The following SEL1L2 variants were observed in gnomAD, a reference collection of about 807,000 sequenced individuals.
SEL1L2 encodes the protein SEL1L2 adaptor subunit of SYVN1 ubiquitin ligase.
A neutral mutation model predicts 98.8 loss-of-function variants in SEL1L2; 89 were observed. That is an observed-to-expected ratio of 0.90 (90% CI 0.76 to 1.07). SEL1L2 has a LOEUF of 1.07. SEL1L2 is among the 50% of genes least tolerant of loss of function. The pLI is 0.00. For missense variants in SEL1L2, 788 were observed against 812.0 expected (o/e 0.97, Z 0.36); for synonymous variants, 262 against 278.5 (o/e 0.94, Z 0.59).
rs1019200762 is a variant in SEL1L2 at position 13,896,331 on chromosome 20, A to G, written c.550-7819T>C. 7.2e-5 allele frequency among the ~76,000 whole-genome samples: 11 copies of G among 152,158 alleles called. No individual in the cohort carries two copies. The East Asian group carries it at 2.1e-3, about 30-fold the overall frequency. ...TTAAAAATACAAAAATTAGCTGGGC[A>G]CGGTGGGGGGCGCCTGTAGTCCCAG... On this transcript the variant is annotated intron_variant, in intron 5 of 19. Coordinates refer to ENST00000284951, the MANE Select transcript of SEL1L2 (RefSeq NM_025229.2).
chr20:13,887,565 A>T (rs1383604543), intron 8 of SEL1L2, among the ~76,000 whole-genome samples: 1 of 152,222 alleles, frequency 6.6e-6, no homozygotes, highest in Non-Finnish European at 1.5e-5. Flanking sequence ...AAAATAAAAA[A>T]TGAGTATAAT....
intron 11 of SEL1L2, among the ~76,000 whole-genome samples, chr20:13,876,951 G>T (rs2046460338): frequency 6.6e-6 from 1 of 152,038 alleles, no homozygotes; most frequent in Non-Finnish European, 1.5e-5. Context: ...AGCCTCCCAA[G>T]TAGCTGGGAT....
rs375336832 is a variant in SEL1L2, at chr20:13,888,674, T to C, written c.550-162A>G. On this transcript the variant is annotated intron_variant, in intron 5 of 19. Coordinates refer to ENST00000284951, the MANE Select transcript of SEL1L2 (RefSeq NM_025229.2). ...TTTTTTTTGAGACAGAGTCTCACTC[T>C]GTCGCCCAGGCTGAAGTGCAGTGGC... 4.6e-4 allele frequency among the ~76,000 whole-genome samples: 59 copies of C among 128,956 alleles called. No homozygotes were observed. In the East Asian group the frequency reaches 0.014, roughly 31 times the overall value. The allele number at this position is 128,956 out of a possible 152,430, so 84.6% of individuals were successfully genotyped here. A position where few individuals can be genotyped will look rare whatever the true frequency, so the allele number is the denominator to read the frequency against.
chr20:13,924,362 A>G (rs2048789341), intron 3 of SEL1L2, among the ~76,000 whole-genome samples: 2 of 150,672 alleles, frequency 1.3e-5, no homozygotes, highest in African/African-American at 4.9e-5. Context: ...CTCTTCTACT[A>G]TGTCTGATCT....
At chr20:13,963,034 C>G (rs1360803995) in intron 1 of SEL1L2, among the ~76,000 whole-genome samples, 1 of 146,098 alleles carries the variant, frequency 6.8e-6, no homozygotes, top group Non-Finnish European at 1.5e-5. Context: ...CCACTGCACT[C>G]CAGCCTAGGC....
At chr20:13,921,254 C>A (rs1040663956) in intron 3 of SEL1L2, among the ~76,000 whole-genome samples, 9 of 152,188 alleles carry the variant, frequency 5.9e-5, no homozygotes, top group Admixed American at 2.6e-4. Context: ...CTCACTGCAA[C>A]CTCCACCTCC....
At chr20:13,978,752 T>G (rs908672201) in intron 1 of SEL1L2, among the ~76,000 whole-genome samples, 2 of 152,056 alleles carry the variant, frequency 1.3e-5, no homozygotes, top group African/African-American at 4.8e-5. Context: ...GAAATATTAT[T>G]CAGCCATGAA....
At chr20:13,992,048 C>G (rs1050074360), upstream of SEL1L2, among the ~76,000 whole-genome samples, 1 of 152,042 alleles carries the variant, frequency 6.6e-6, no homozygotes, top group African/African-American at 2.4e-5. Flanking sequence ...ATAGGAAAAT[C>G]AATGAGCAAT....
chr20:13,908,708 T>C (rs2048086906), intron 5 of SEL1L2, among the ~76,000 whole-genome samples: 1 of 152,232 alleles, frequency 6.6e-6, no homozygotes, highest in Non-Finnish European at 1.5e-5. Context: ...TTAATAGTTC[T>C]CATTATTTGA....
intron 1 of SEL1L2, among the ~76,000 whole-genome samples, chr20:13,974,828 C>T (rs904069180): frequency 6.6e-6 from 1 of 152,088 alleles, no homozygotes; most frequent in African/African-American, 2.4e-5. Flanking sequence ...CTCTTTTGCA[C>T]ATTTTGGGCA....
intron 2 of SEL1L2, among the ~76,000 whole-genome samples, chr20:13,941,434 C>T (rs2148373404): frequency 6.6e-6 from 1 of 152,294 alleles, no homozygotes; most frequent in Non-Finnish European, 1.5e-5. Context: ...GCTAACTTTC[C>T]TTTCATCAAA....
At chr20:13,902,825 A>T (rs1048861263) in intron 5 of SEL1L2, among the ~76,000 whole-genome samples, 4 of 152,178 alleles carry the variant, frequency 2.6e-5, no homozygotes, top group Admixed American at 2.6e-4. Flanking sequence ...GTGTATGAAA[A>T]GTAAAATTCC....
chr20:13,974,044 C>T (rs2148518665), intron 1 of SEL1L2, among the ~76,000 whole-genome samples: 1 of 152,186 alleles, frequency 6.6e-6, no homozygotes, highest in Non-Finnish European at 1.5e-5. Flanking sequence ...TACTTCTCAC[C>T]TTGGACGGGT....
At chr20:13,908,710 A>G (rs1173461240) in intron 5 of SEL1L2, among the ~76,000 whole-genome samples, 1 of 152,170 alleles carries the variant, frequency 6.6e-6, no homozygotes, top group East Asian at 1.9e-4. Context: ...AATAGTTCTC[A>G]TTATTTGAAA....
At chr20:13,869,687 A>G (rs774403083) in intron 13 of SEL1L2, 97 bp from the exon 14 acceptor site, 3 of 838,970 alleles carry the variant, frequency 3.6e-6, no homozygotes, top group East Asian at 2.6e-5. Flanking sequence ...ACAGTGCCCT[A>G]TGTGATTTAG....
Position 13,956,109 on chromosome 20 carries a change from A to G in SEL1L2, c.81T>C (p.Asn27=). 6.4e-7 allele frequency: 1 copy of G among 1,562,282 alleles called. No individual in the cohort carries two copies. Among genetic ancestry groups the G allele is most frequent in the South Asian group, 1.2e-5 (1 of 84,044 alleles). The part of the protein sequence containing the change: ...TIKTIKAEEH[N]KRQKERNVTT... ...TGACATTTCTTTCCTTTTGTCTTTT[A>G]TTATGTTCCTCTGCTTTGATAGCTG... Residue 27 remains asparagine (N), a synonymous_variant, in exon 2 of 20, where the codon AAT becomes AAC. Coordinates refer to ENST00000284951, the MANE Select transcript of SEL1L2 (RefSeq NM_025229.2).
In SEL1L2 at chr20:13,931,736, G is replaced by A. The variant is rs1479430261; in HGVS notation, c.150C>T (p.His50=). The change falls in exon 3 of 20, where the codon CAC becomes CAT. Residue 50 remains histidine (H), a synonymous_variant. Transcript: ENST00000284951. ...TACTAGATGTTCTTTGTTCCAATAT[G>A]TGTGATAAATATTGTTTGATTTCGT... ...SVNEIKQYLS[H]ILEQRTSSNV... is the part of the protein sequence containing the mutation. 7.7e-6 allele frequency: 12 copies of A among 1,551,296 alleles called. No homozygotes were observed. Among genetic ancestry groups the A allele is most frequent in the Non-Finnish European group, 9.5e-6 (11 of 1,153,194 alleles).
chr20:13,965,344 G>A (rs1048686549), intron 1 of SEL1L2, among the ~76,000 whole-genome samples: 12 of 152,126 alleles, frequency 7.9e-5, no homozygotes, highest in Non-Finnish European at 1.6e-4. Context: ...GTCAGGCTGG[G>A]AATAAATGAC....
chr20:13,942,733 T>C (rs998459409), intron 2 of SEL1L2, among the ~76,000 whole-genome samples: 2 of 152,184 alleles, frequency 1.3e-5, no homozygotes, highest in Non-Finnish European at 2.9e-5. Flanking sequence ...CATCAGAAAT[T>C]GAAAATATGT....
Sources: gnomAD v4.1 joint callset for allele counts (sites outside exome capture counted in the v4.1 genomes callset) on GRCh38, gnomAD v4.1.1 for gene constraint, MANE v1.5 for transcripts, NCBI Gene and HGNC (gene_info 2026-07-23, HGNC 2026-07-21) for gene names.